The following LUC7L2 variants were observed in gnomAD, a reference collection of about 807,000 sequenced individuals.
LUC7L2 encodes LUC7 like 2, pre-mRNA splicing factor.
In LUC7L2, 25 loss-of-function variants were observed where a neutral mutation model predicts 52.8. The ratio of observed to expected loss-of-function variants is 0.47; its 90% CI spans 0.34 to 0.66. LUC7L2 has a LOEUF of 0.66. Ranked by LOEUF, LUC7L2 falls within the 30% of genes least tolerant of loss-of-function variation. The pLI, the probability that LUC7L2 is intolerant of heterozygous loss-of-function variation, is 0.01. For missense variants in LUC7L2, 328 were observed against 497.8 expected (o/e 0.66, Z 3.25); for synonymous variants, 144 against 160.9 (o/e 0.89, Z 0.80).
intron 2 of LUC7L2, among the ~76,000 whole-genome samples, chr7:139,390,032 A>G (rs1433927359): frequency 1.3e-5 from 2 of 152,160 alleles, no homozygotes; most frequent in African/African-American, 2.4e-5. Context: ...ATGCACATGT[A>G]CTTCTAGCTA....
At chr7:139,414,683 T>C (rs777524811) in intron 8 of LUC7L2, among the ~76,000 whole-genome samples, 4 of 152,202 alleles carry the variant, frequency 2.6e-5, no homozygotes, top group Non-Finnish European at 5.9e-5. Flanking sequence ...GGTCTTTTCC[T>C]TCAACATGCT....
intron 7 of LUC7L2, among the ~76,000 whole-genome samples, chr7:139,410,137 G>C (rs186151341): frequency 4.7e-4 from 71 of 152,026 alleles, no homozygotes; most frequent in African/African-American, 1.6e-3. Flanking sequence ...AACCTGGGGG[G>C]GCAGAGCCTG....
chr7:139,353,301 G>A (rs1799508642), intron 1 of LUC7L2, among the ~76,000 whole-genome samples: 1 of 152,152 alleles, frequency 6.6e-6, no homozygotes, highest in Non-Finnish European at 1.5e-5. Flanking sequence ...ACCATATTTA[G>A]TTCATAAATT....
At chr7:139,378,245 G>T in intron 2 of LUC7L2, among the ~76,000 whole-genome samples, 1 of 151,906 alleles carries the variant, frequency 6.6e-6, no homozygotes, top group Non-Finnish European at 1.5e-5. Context: ...GTTTAATATT[G>T]TATAAAATTT....
At chr7:139,405,023 G>A (rs1412373711) in intron 4 of LUC7L2, among the ~76,000 whole-genome samples, 1 of 152,212 alleles carries the variant, frequency 6.6e-6, no homozygotes, top group Non-Finnish European at 1.5e-5. Context: ...AATACAGATA[G>A]CTGTCCTTAA....
At chr7:139,349,722 C>T (rs1030981470) in intron 1 of LUC7L2, among the ~76,000 whole-genome samples, 4 of 152,168 alleles carry the variant, frequency 2.6e-5, no homozygotes, top group South Asian at 2.1e-4. Context: ...AGCTACTACC[C>T]GCTGTTCCTC....
intron 7 of LUC7L2, among the ~76,000 whole-genome samples, chr7:139,410,906 T>A (rs1211848765): frequency 6.6e-6 from 1 of 151,904 alleles, no homozygotes; most frequent in Non-Finnish European, 1.5e-5. Context: ...TACATGTCTA[T>A]ATGGTCCCTT....
intron 8 of LUC7L2, among the ~76,000 whole-genome samples, chr7:139,415,213 T>C (rs1795542130): frequency 6.7e-6 from 1 of 148,598 alleles, no homozygotes; most frequent in Non-Finnish European, 1.5e-5. Flanking sequence ...TGTCCAGCAA[T>C]AGATCTTTTT....
chr7:139,405,378 T>A (rs577876303), intron 4 of LUC7L2, among the ~76,000 whole-genome samples: 8 of 152,104 alleles, frequency 5.3e-5, no homozygotes, highest in African/African-American at 1.9e-4. Context: ...ATGGAAGAAA[T>A]CGTATTTTAC....
At chr7:139,402,430 A>G (rs1794954617) in intron 4 of LUC7L2, among the ~76,000 whole-genome samples, 183 bp downstream of exon 4, 1 of 152,242 alleles carries the variant, frequency 6.6e-6, no homozygotes, top group African/African-American at 2.4e-5. Context: ...AAATAAATTG[A>G]CATTGGTCTA....
chr7:139,372,510 T>C (rs971459428), intron 1 of LUC7L2, among the ~76,000 whole-genome samples: 1 of 152,176 alleles, frequency 6.6e-6, no homozygotes, highest in Non-Finnish European at 1.5e-5. Context: ...TTTTGGCTAC[T>C]TATTGCATGA....
chr7:139,397,076 T>A (rs145784622), intron 2 of LUC7L2, among the ~76,000 whole-genome samples: 10 of 152,358 alleles, frequency 6.6e-5, no homozygotes, highest in South Asian at 2.1e-4. Context: ...TACTCATTTT[T>A]AGATACTGTA....
intron 9 of LUC7L2, 60 bp from the exon 10 acceptor site, chr7:139,422,103 C>G (rs1038775324): frequency 1.3e-6 from 2 of 1,538,980 alleles, no homozygotes; most frequent in African/African-American, 2.8e-5. Flanking sequence ...TTATCCTATT[C>G]TTTAATTTGG....
At chr7:139,356,252 G>A (rs115429539), upstream of LUC7L2, among the ~76,000 whole-genome samples, 1,145 of 146,644 alleles carry the variant, frequency 7.8e-3, 13 homozygotes, top group African/African-American at 0.026. Context: ...CAAGGCTGCA[G>A]TGAGCCAAGG....
Position 139,364,653 on chromosome 7 carries a change from G to A in LUC7L2, c.61+4331G>A, listed in dbSNP as rs563813573. Among the ~76,000 whole-genome samples, 83 of 152,142 alleles carry A rather than the reference G, an allele frequency of 5.5e-4. 1 individual carries two copies. Among genetic ancestry groups the A allele is most frequent in the Non-Finnish European group, 8.8e-5 (6 of 68,022 alleles). On this transcript the variant is annotated intron_variant, in intron 1 of 9. Transcript: ENST00000354926. Reference sequence around the variant, plus strand: ...TACCCAGGAAAATACTGTTAAGAAAGCCATTTACTTGTTGCTAATGTAAGG... The same window carrying A: ...TACCCAGGAAAATACTGTTAAGAAAACCATTTACTTGTTGCTAATGTAAGG...
chr7:139,380,295 A>G (rs1339969860), intron 2 of LUC7L2, among the ~76,000 whole-genome samples: 5 of 152,260 alleles, frequency 3.3e-5, no homozygotes, highest in East Asian at 3.9e-4. Context: ...GAAAGTTACT[A>G]TACTTCAAAA....
intron 2 of LUC7L2, among the ~76,000 whole-genome samples, chr7:139,391,701 G>T (rs566768612): frequency 2.1e-4 from 32 of 152,144 alleles, no homozygotes; most frequent in African/African-American, 7.5e-4. Flanking sequence ...TGATTCTTCT[G>T]CCTCAGCCTC....
intron 9 of LUC7L2, among the ~76,000 whole-genome samples, chr7:139,420,885 G>A (rs1430699571): frequency 1.3e-5 from 2 of 151,976 alleles, no homozygotes; most frequent in Admixed American, 6.6e-5. Context: ...TGCAGCCTCC[G>A]CCTCCCAGGT....
At chr7:139,346,430 T>C (rs1799274225) in intron 1 of LUC7L2, 1 of 152,116 alleles carries the variant, frequency 6.6e-6, no homozygotes, top group Non-Finnish European at 1.5e-5. Flanking sequence ...TACATACATA[T>C]CTCATTTAAA....
Sources: gnomAD v4.1 joint callset for allele counts (sites outside exome capture counted in the v4.1 genomes callset) on GRCh38, gnomAD v4.1.1 for gene constraint, MANE v1.5 for transcripts, NCBI Gene and HGNC (gene_info 2026-07-23, HGNC 2026-07-21) for gene names.